The following DNA2 variants were observed in gnomAD, a reference collection of about 807,000 sequenced individuals.
DNA2 encodes the protein DNA replication helicase/nuclease 2, also known as DNA replication ATP-dependent helicase/nuclease DNA2.
In DNA2, 101 loss-of-function variants were observed where a neutral mutation model predicts 119.1. The observed-to-expected ratio is 0.85, with a 90% CI of 0.72 to 1.00. The LOEUF is 1.00. Among genes scored for constraint, DNA2 ranks in the 50% least tolerant of loss-of-function variants. The pLI is 0.00. For synonymous variants in DNA2, 366 were observed against 424.4 expected (o/e 0.86, Z 1.69); for missense variants, 1,121 against 1,255.5 (o/e 0.89, Z 1.62).
chr10:68,427,615 C>T (rs2051759601), intron 14 of DNA2, among the ~76,000 whole-genome samples: 1 of 149,828 alleles, frequency 6.7e-6, no homozygotes. Flanking sequence ...CACCAGTGCA[C>T]TCCAGCCTGG....
In DNA2 at chr10:68,450,102, T is replaced by C. The variant is rs1167048759; in HGVS notation, c.865A>G (p.Lys289Glu). The C allele has an allele frequency of 1.9e-6, 3 of 1,604,232 alleles. No individual in the cohort carries two copies. The highest frequency in any genetic ancestry group is 1.3e-5 in the African/African-American group (1 of 74,990). Residue 289 changes from lysine to glutamate, a missense_variant, in exon 6 of 21, where the codon AAA becomes GAA. By Grantham distance (56) the Lys-to-Glu change is moderately conservative (BLOSUM62 1). Coordinates refer to ENST00000358410, the MANE Select transcript of DNA2 (RefSeq NM_001080449.3). ...TVGVKIHRGYKTKYKIMPLEL... is the reference protein window; with the variant it reads ...TVGVKIHRGYETKYKIMPLEL... ...AGCGGCATTATCTTGTATTTTGTTTTATACCCTCGATGTATTTTCACACCA... is the reference window on the plus strand; with the variant it reads ...AGCGGCATTATCTTGTATTTTGTTTCATACCCTCGATGTATTTTCACACCA...
intron 3 of DNA2, among the ~76,000 whole-genome samples, chr10:68,466,687 T>C (rs1365924984): frequency 1.3e-5 from 2 of 151,174 alleles, no homozygotes; most frequent in African/African-American, 4.9e-5. Context: ...CACGCCATTC[T>C]CCTGCCTCAG....
Position 68,445,071 on chromosome 10 carries a change from A to G in DNA2, c.1070T>C (p.Leu357Pro). 1 of 1,597,270 alleles carries G rather than the reference A, an allele frequency of 6.3e-7. No individual in the cohort carries two copies. The highest frequency in any genetic ancestry group is 1.8e-5 in the Admixed American group (1 of 57,142). The change falls in exon 8 of 21, where the codon CTA (leucine) becomes CCA (proline). Residue 357 changes from leucine (L) to proline (P), a missense_variant. Leu to Pro is a moderately conservative substitution (Grantham distance 98). Coordinates refer to ENST00000358410, the MANE Select transcript of DNA2 (RefSeq NM_001080449.3). ...NHLDKRELLK[L>P]RNQMAFSLFH... The stretch of plus-strand genomic sequence containing the variant: ...CAATGAGAATGCCATCTGGTTTCTT[A>G]GCTTTAATAATTCTATGAAAAAAAA...
chr10:68,422,898 C>T lies in DNA2; in HGVS notation c.2209-8G>A, dbSNP rs761587906. ...TGTTGTTGCAACTATAAGCTAAAAACAAGGAAAACAGATCAGTTATTTAAC... is the reference window on the plus strand; with the variant it reads ...TGTTGTTGCAACTATAAGCTAAAAATAAGGAAAACAGATCAGTTATTTAAC... On this transcript the variant is annotated splice_region_variant and splice_polypyrimidine_tract_variant and intron_variant, in intron 14 of 20. Coordinates refer to ENST00000358410, the MANE Select transcript of DNA2 (RefSeq NM_001080449.3). 2 of 1,540,288 alleles carry T rather than the reference C, an allele frequency of 1.3e-6. No homozygotes were observed. The highest frequency in any genetic ancestry group is 1.2e-5 in the South Asian group (1 of 80,552).
At chr10:68,459,888 A>T (rs1486883809) in intron 4 of DNA2, among the ~76,000 whole-genome samples, 1 of 151,954 alleles carries the variant, frequency 6.6e-6, no homozygotes, top group Non-Finnish European at 1.5e-5. Flanking sequence ...TTAGCCAGGC[A>T]TGGTGGTGCA....
intron 2 of DNA2, 26 bp downstream of exon 2, chr10:68,469,955 G>A (rs907511614): frequency 1.7e-5 from 27 of 1,577,864 alleles, no homozygotes; most frequent in Non-Finnish European, 2.3e-5. Context: ...GATTCAAATC[G>A]GTGCTCAAAG....
At chr10:68,449,472 T>C (rs557263314) in intron 6 of DNA2, among the ~76,000 whole-genome samples, 33 of 152,236 alleles carry the variant, frequency 2.2e-4, no homozygotes, top group African/African-American at 7.9e-4. Flanking sequence ...CTTCAATATT[T>C]CGTACACAAT....
intron 4 of DNA2, among the ~76,000 whole-genome samples, chr10:68,463,336 C>T (rs1008840467): frequency 2.8e-5 from 4 of 143,478 alleles, no homozygotes; most frequent in African/African-American, 5.3e-5. Flanking sequence ...CCCAGCTACT[C>T]GGGAGGCTGA....
intron 4 of DNA2, among the ~76,000 whole-genome samples, chr10:68,461,828 C>CAAAAAAAAAAAAAAAAAAAAAAAA (rs554059657): frequency 1.4e-5 from 1 of 70,282 alleles, no homozygotes; most frequent in African/African-American, 4.1e-5. Context: ...AACTCCGTCT[C>CAAAAAAAAAAAAAAAAAAAAAAAA]AAAAAAAAAA....
rs116761270 is a variant in DNA2, at chr10:68,470,963, A to C, written c.75-800T>G. On this transcript the variant is annotated intron_variant, in intron 1 of 20. Transcript: ENST00000358410. The stretch of plus-strand genomic sequence containing the variant: ...TTTATTACTTATATTTATAGTGGGT[A>C]AGTCAATTTGTCAATACTTTCATCC... 2.2e-3 allele frequency among the ~76,000 whole-genome samples: 330 copies of C among 152,300 alleles called. 1 individual carries two copies. The highest frequency in any genetic ancestry group is 7.7e-3 in the African/African-American group (319 of 41,578).
intron 14 of DNA2, 67 bp downstream of exon 14, chr10:68,430,367 TAC>T (rs2051803485): frequency 2.6e-6 from 3 of 1,133,598 alleles, no homozygotes; most frequent in South Asian, 1.5e-5. Flanking sequence ...TTTCCCAGAG[TAC>T]AGTTTCTCCC....
intron 19 of DNA2, 87 bp from the exon 20 acceptor site, chr10:68,416,942 C>A: frequency 8.3e-7 from 1 of 1,198,762 alleles, no homozygotes. Flanking sequence ...GACACCTGTG[C>A]AAATTTAAGA....
intron 4 of DNA2, among the ~76,000 whole-genome samples, chr10:68,461,845 AAAAAAAAT>A (rs1454648717): frequency 6.6e-6 from 1 of 150,984 alleles, no homozygotes; most frequent in African/African-American, 2.4e-5. Context: ...AAAAAAAAAA[AAAAAAAAT>A]AGAGGCTGGA....
rs1238586086 is a variant in DNA2 at position 68,416,697 on chromosome 10, G to GA, written c.3114+11dup. The stretch of plus-strand genomic sequence containing the variant: ...CAATCAAATGTGACCATATACAGAA[G>GA]AAAAAGGATATTAATTTTTCTGAGT... On this transcript the variant is annotated intron_variant, in intron 20 of 20. Coordinates refer to ENST00000358410, the MANE Select transcript of DNA2 (RefSeq NM_001080449.3). 3.1e-6 allele frequency: 5 copies of GA among 1,609,278 alleles called. 1 individual carries two copies. The Middle Eastern group carries it at 5.0e-4, about 160-fold the overall frequency.
intron 14 of DNA2, among the ~76,000 whole-genome samples, chr10:68,423,975 C>T (rs902675581): frequency 1.8e-4 from 27 of 152,118 alleles, no homozygotes; most frequent in Admixed American, 2.0e-4. Context: ...ATAAAAAAAT[C>T]AATAATTAAA....
At chr10:68,462,637 G>A (rs931585733) in intron 4 of DNA2, among the ~76,000 whole-genome samples, 2 of 152,024 alleles carry the variant, frequency 1.3e-5, no homozygotes, top group Non-Finnish European at 2.9e-5. Flanking sequence ...GGGTGGTAGG[G>A]GCTTATCAGT....
At chr10:68,456,502 C>T (rs1171311942) in intron 5 of DNA2, among the ~76,000 whole-genome samples, 1 of 152,040 alleles carries the variant, frequency 6.6e-6, no homozygotes, top group Non-Finnish European at 1.5e-5. Flanking sequence ...GTAATCTCTG[C>T]CTCCTAGTTC....
At chr10:68,459,361 A>ACG in intron 4 of DNA2, 126 bp from the exon 5 acceptor site, 1 of 965,128 alleles carries the variant, frequency 1.0e-6, no homozygotes, top group East Asian at 2.7e-5. Context: ...TAAGCAACCC[A>ACG]ACTGTTCGTC....
At chr10:68,434,331 T>G (rs2051859713) in intron 10 of DNA2, among the ~76,000 whole-genome samples, 1 of 151,694 alleles carries the variant, frequency 6.6e-6, no homozygotes, top group African/African-American at 2.4e-5. Flanking sequence ...TCCTCTGTGT[T>G]CCTATCAATT....
Sources: allele counts gnomAD v4.1 joint callset (sites outside exome capture counted in the v4.1 genomes callset), GRCh38; gene constraint gnomAD v4.1.1; transcripts MANE v1.5; gene names NCBI Gene and HGNC (gene_info 2026-07-23, HGNC 2026-07-21).